The following TRIO variants were observed in gnomAD, a reference collection of about 807,000 sequenced individuals.
TRIO encodes the protein trio Rho guanine nucleotide exchange factor.
TRIO carries 58 observed loss-of-function variants against 351.9 expected under a neutral mutation model. That is an observed-to-expected ratio of 0.16 (90% confidence interval 0.13 to 0.21). TRIO has a LOEUF of 0.21. Ranked by LOEUF, TRIO falls within the 10% of genes least tolerant of loss-of-function variation. The pLI is 1.00. For synonymous variants in TRIO, 1,758 were observed against 1,595.7 expected (o/e 1.10, Z -2.42); for missense variants, 3,201 against 4,027.8 (o/e 0.79, Z 5.56).
intron 34 of TRIO, chr5:14,420,255 AGT>A: frequency 1.7e-6 from 1 of 581,060 alleles, no homozygotes. Flanking sequence ...AGGGCGGTGT[AGT>A]GAGATATGAC....
At chr5:14,313,909 G>A (rs1461265279) in intron 8 of TRIO, among the ~76,000 whole-genome samples, 1 of 152,196 alleles carries the variant, frequency 6.6e-6, no homozygotes, top group African/African-American at 2.4e-5. Flanking sequence ...GGGAAATGTG[G>A]CATTACAGCT....
intron 11 of TRIO, among the ~76,000 whole-genome samples, chr5:14,341,659 T>C (rs1475246687): frequency 1.3e-5 from 2 of 152,242 alleles, no homozygotes; most frequent in Admixed American, 1.3e-4. Context: ...TCAACTTCAT[T>C]CTCAAAATTA....
intron 19 of TRIO, among the ~76,000 whole-genome samples, chr5:14,376,275 T>C (rs1171243928): frequency 6.6e-6 from 1 of 152,244 alleles, no homozygotes; most frequent in East Asian, 1.9e-4. Context: ...AGTTTCAGTC[T>C]TGGGAATTTT....
intron 34 of TRIO, among the ~76,000 whole-genome samples, chr5:14,456,011 C>T (rs562096045): frequency 8.5e-5 from 13 of 152,368 alleles, no homozygotes; most frequent in Admixed American, 7.2e-4. Flanking sequence ...CCCTGCCCCG[C>T]GGGGAGGTGG....
At chr5:14,480,466 T>C (rs1007685522) in intron 43 of TRIO, among the ~76,000 whole-genome samples, 2 of 152,248 alleles carry the variant, frequency 1.3e-5, no homozygotes. Context: ...TTAATTATTT[T>C]CTAATCTTCT....
At chr5:14,444,627 G>T (rs1752305191) in intron 34 of TRIO, among the ~76,000 whole-genome samples, 1 of 152,126 alleles carries the variant, frequency 6.6e-6, no homozygotes, top group Non-Finnish European at 1.5e-5. Context: ...CGCTATTATG[G>T]TTATTATGCT....
At chr5:14,316,171 T>C (rs1222563528) in intron 8 of TRIO, among the ~76,000 whole-genome samples, 1 of 152,264 alleles carries the variant, frequency 6.6e-6, no homozygotes, top group African/African-American at 2.4e-5. Flanking sequence ...TTCTGTTAGT[T>C]GATTTATGGC....
chr5:14,385,436 C>T (rs1199097283), intron 21 of TRIO, among the ~76,000 whole-genome samples: 3 of 152,172 alleles, frequency 2.0e-5, no homozygotes, highest in Admixed American at 1.3e-4. Flanking sequence ...TAAACACAGG[C>T]GAGGACTTTA....
intron 1 of TRIO, among the ~76,000 whole-genome samples, chr5:14,262,723 G>C (rs1457001207): frequency 6.6e-6 from 1 of 152,048 alleles, no homozygotes; most frequent in East Asian, 1.9e-4. Flanking sequence ...GGAGGGCAGG[G>C]AGAAGCCTGG....
intron 1 of TRIO, among the ~76,000 whole-genome samples, chr5:14,264,162 T>A (rs1465533205): frequency 6.6e-5 from 10 of 152,160 alleles, no homozygotes; most frequent in African/African-American, 1.9e-4. Context: ...ACATTAAAAA[T>A]ATATATATTT....
At chr5:14,369,328 C>T in intron 17 of TRIO, 46 bp from the exon 18 acceptor site, 2 of 1,556,396 alleles carry the variant, frequency 1.3e-6, no homozygotes, top group Non-Finnish European at 1.7e-6. Context: ...TACCAGTCGG[C>T]AGTGGCAGAT....
intron 53 of TRIO, among the ~76,000 whole-genome samples, chr5:14,501,005 G>T (rs1451376307): frequency 1.3e-5 from 2 of 150,120 alleles, no homozygotes; most frequent in Admixed American, 6.7e-5. Context: ...GGTGGTCACA[G>T]AGTCGCCATT....
intron 2 of TRIO, among the ~76,000 whole-genome samples, chr5:14,273,892 A>G (rs1282334194): frequency 6.6e-6 from 1 of 152,212 alleles, no homozygotes; most frequent in African/African-American, 2.4e-5. Context: ...CATCAAAAGG[A>G]AAGAAAATAG....
intron 1 of TRIO, among the ~76,000 whole-genome samples, 190 bp downstream of exon 1, chr5:14,144,072 C>T (rs746714871): frequency 2.6e-5 from 4 of 151,906 alleles, no homozygotes; most frequent in Non-Finnish European, 4.4e-5. Context: ...GCGTGTCCCG[C>T]TGCCCGCGCA....
chr5:14,481,485 G>A (rs1383143283), intron 44 of TRIO, 56 bp from the exon 45 acceptor site: 9 of 1,597,380 alleles, frequency 5.6e-6, no homozygotes, highest in South Asian at 4.4e-5. Context: ...GGGTGAGCAC[G>A]TCAGATTTTC....
intron 8 of TRIO, among the ~76,000 whole-genome samples, chr5:14,307,548 T>A (rs908317125): frequency 6.6e-6 from 1 of 152,252 alleles, no homozygotes; most frequent in Admixed American, 6.5e-5. Context: ...TGTCCTTCTC[T>A]GGGTGTCATC....
chr5:14,474,666 T>A (rs146717278), intron 40 of TRIO, among the ~76,000 whole-genome samples: 2,486 of 152,262 alleles, frequency 0.016, 54 homozygotes, highest in African/African-American at 0.057. Flanking sequence ...TTATTTTATG[T>A]TATTTTTATT....
chr5:14,202,345 G>T (rs530158942), intron 1 of TRIO, among the ~76,000 whole-genome samples: 1 of 62,328 alleles, frequency 1.6e-5, no homozygotes, highest in Non-Finnish European at 3.0e-5. Context: ...ATCAGCTATC[G>T]TTAGTATTGG....
At chr5:14,359,769 G>T (rs1438973086) in intron 13 of TRIO, among the ~76,000 whole-genome samples, 1 of 152,222 alleles carries the variant, frequency 6.6e-6, no homozygotes, top group Non-Finnish European at 1.5e-5. Flanking sequence ...TATAGAGCAG[G>T]CAGCTCGCGT....
Sources: gnomAD v4.1 joint callset for allele counts (sites outside exome capture counted in the v4.1 genomes callset) on GRCh38, gnomAD v4.1.1 for gene constraint, MANE v1.5 for transcripts, NCBI Gene and HGNC (gene_info 2026-07-23, HGNC 2026-07-21) for gene names.